FUT8: variants seen among roughly 807,000 people sequenced by gnomAD.
FUT8 encodes alpha-(1,6)-fucosyltransferase.
In FUT8, 29 loss-of-function variants were observed where a neutral mutation model predicts 71.3. The observed-to-expected ratio is 0.41, with a 90% CI of 0.30 to 0.55. The LOEUF is 0.55. FUT8 is among the 20% of genes least tolerant of loss of function. The probability of loss-of-function intolerance (pLI) is 0.34; values close to 1 mark genes in which losing one functional copy is unlikely to be tolerated. For synonymous variants in FUT8, 254 were observed against 239.3 expected, an observed-to-expected ratio of 1.06 and a Z score of -0.57; for missense variants, 544 against 702.1, an observed-to-expected ratio of 0.77 and a Z score of 2.55.
At chr14:65,666,315 T>C (rs535913720) in intron 6 of FUT8, among the ~76,000 whole-genome samples, 2 of 152,180 alleles carry the variant, frequency 1.3e-5, no homozygotes, top group African/African-American at 4.8e-5. Flanking sequence ...TGATTTTTGG[T>C]ACTTGTCACC....
At chr14:65,496,577 CCTT>C (rs2139747435) in intron 2 of FUT8, among the ~76,000 whole-genome samples, 1 of 152,220 alleles carries the variant, frequency 6.6e-6, no homozygotes, top group African/African-American at 2.4e-5. Flanking sequence ...GACAGTTCCT[CCTT>C]CACCCACTCG....
At position 65,638,210 on chromosome 14, in the gene FUT8, C is replaced by G. The variant is rs1890660085; in HGVS notation, c.597+8604C>G. On this transcript the variant is annotated intron_variant, in intron 6 of 10. Transcript: ENST00000673929. The surrounding 1 kb of genome is among the most constrained non-coding windows in gnomAD (Gnocchi z 4.5). ...TTCTCCCAAGACCCTCCGTCTCTAT[C>G]TGCCTAACCAGCCCCTAACTGCCTC... Among the ~76,000 whole-genome samples, 1 of 152,164 alleles carries G rather than the reference C, an allele frequency of 6.6e-6. No homozygotes were observed. The highest frequency in any genetic ancestry group is 1.5e-5 in the Non-Finnish European group (1 of 68,030).
Position 65,578,249 on chromosome 14 carries a change from A to G in FUT8, c.203+16483A>G, listed in dbSNP as rs368110335. Among the ~76,000 whole-genome samples the G allele has an allele frequency of 6.1e-4, 93 of 152,242 alleles. 4 individuals are homozygous for G. The South Asian group carries it at 0.019, about 31-fold the overall frequency. On this transcript the variant is annotated intron_variant, in intron 3 of 10. Transcript: ENST00000673929. ...TGATGATGACTTCAATAACTTCTTGATAATTGAAGATAAATAATAGCAGGA... is the reference window on the plus strand; with the variant it reads ...TGATGATGACTTCAATAACTTCTTGGTAATTGAAGATAAATAATAGCAGGA...
intron 7 of FUT8, among the ~76,000 whole-genome samples, chr14:65,686,772 G>C (rs1893306882): frequency 6.6e-6 from 1 of 152,154 alleles, no homozygotes; most frequent in South Asian, 2.1e-4. Context: ...GAGAACTTAA[G>C]AGAAGCTGTA....
intron 2 of FUT8, among the ~76,000 whole-genome samples, chr14:65,481,190 A>G (rs2066325521): frequency 6.6e-6 from 1 of 151,880 alleles, no homozygotes; most frequent in Non-Finnish European, 1.5e-5. Flanking sequence ...TTTGATTTGC[A>G]TTTTTGAAAT....
intron 7 of FUT8, among the ~76,000 whole-genome samples, chr14:65,672,908 C>T (rs943264084): frequency 6.6e-6 from 1 of 152,192 alleles, no homozygotes; most frequent in East Asian, 1.9e-4. Context: ...TTCAGTTCCC[C>T]ACTTCAATCT....
chr14:65,528,854 A>G (rs1883721413), intron 2 of FUT8: 1 of 152,336 alleles, frequency 6.6e-6, no homozygotes, highest in Admixed American at 6.5e-5. Flanking sequence ...GATCTTTATC[A>G]TCATCTTGAG....
chr14:65,699,545 C>G lies in FUT8; in HGVS notation c.836-22230C>G, dbSNP rs117761586. On this transcript the variant is annotated intron_variant, in intron 7 of 10. Coordinates refer to ENST00000673929, the MANE Select transcript of FUT8 (RefSeq NM_001371533.1). Reference sequence around the variant, plus strand: ...AAAATCTTGTAGACTGATGCTGATACCTACAAGGTGGGCTGTGAGCAAGAG... The same window carrying G: ...AAAATCTTGTAGACTGATGCTGATAGCTACAAGGTGGGCTGTGAGCAAGAG... 4.0e-3 allele frequency among the ~76,000 whole-genome samples: 604 copies of G among 152,178 alleles called. 4 individuals carry two copies. Among genetic ancestry groups the G allele is most frequent in the East Asian group, 0.035 (182 of 5,182 alleles).
intron 7 of FUT8, among the ~76,000 whole-genome samples, chr14:65,692,093 G>T (rs1168702942): frequency 1.3e-5 from 2 of 151,900 alleles, no homozygotes; most frequent in Non-Finnish European, 2.9e-5. Context: ...TGTCATCATG[G>T]CCCGTTCTCA....
chr14:65,593,846 G>A (rs1887821621), intron 3 of FUT8, among the ~76,000 whole-genome samples: 1 of 152,190 alleles, frequency 6.6e-6, no homozygotes, highest in South Asian at 2.1e-4. Flanking sequence ...AAAGTGCTGG[G>A]ATTACAGGCA....
At chr14:65,576,073 C>T (rs891711765) in intron 3 of FUT8, among the ~76,000 whole-genome samples, 2 of 152,098 alleles carry the variant, frequency 1.3e-5, no homozygotes, top group African/African-American at 4.8e-5. Flanking sequence ...ACTACAAATC[C>T]TTATAATAGC....
intron 6 of FUT8, chr14:65,636,502 G>A (rs1890565240): frequency 6.6e-6 from 1 of 151,980 alleles, no homozygotes; most frequent in South Asian, 2.1e-4. Context: ...TTTCCTCTTA[G>A]CACCACCTTT....
At chr14:65,437,722 A>G (rs1398987559) in intron 1 of FUT8, among the ~76,000 whole-genome samples, 10 of 152,186 alleles carry the variant, frequency 6.6e-5, no homozygotes, top group Non-Finnish European at 1.3e-4. Context: ...GTTATTACCC[A>G]TAGTGATTAC....
chr14:65,720,349 T>C (rs4902412), intron 7 of FUT8, among the ~76,000 whole-genome samples: 70,860 of 151,040 alleles, frequency 0.47, 17,644 homozygotes, highest in Non-Finnish European at 0.56. Flanking sequence ...GCCTGGGACT[T>C]GCCCTTCAGG....
intron 2 of FUT8, among the ~76,000 whole-genome samples, chr14:65,464,259 G>GTTTTTTTTTTTTTTTTTTTT: frequency 8.6e-6 from 1 of 116,560 alleles, no homozygotes; most frequent in Non-Finnish European, 1.7e-5. Flanking sequence ...AGTACTTTGG[G>GTTTTTTTTTTTTTTTTTTTT]TTTTTTTTTT....
At chr14:65,740,717 C>T (rs1305406055) in intron 10 of FUT8, among the ~76,000 whole-genome samples, 2 of 151,900 alleles carry the variant, frequency 1.3e-5, no homozygotes, top group Non-Finnish European at 2.9e-5. Context: ...CTCACGAGAA[C>T]TCACTACTGT....
chr14:65,522,819 G>T (rs984848379), intron 2 of FUT8, among the ~76,000 whole-genome samples: 14 of 149,874 alleles, frequency 9.3e-5, no homozygotes, highest in Non-Finnish European at 1.9e-4. Context: ...GAGAACATGT[G>T]GTATTTGGTT....
chr14:65,675,938 A>G (rs558354080), intron 7 of FUT8, among the ~76,000 whole-genome samples: 1 of 152,248 alleles, frequency 6.6e-6, no homozygotes, highest in South Asian at 2.1e-4. Flanking sequence ...CGGAGCTTGC[A>G]GTGAGCCGAG....
chr14:65,382,085 G>T, the FUT8 span, among the ~76,000 whole-genome samples: 1 of 152,234 alleles, frequency 6.6e-6, no homozygotes, highest in South Asian at 2.1e-4. Flanking sequence ...TCACCTCTCC[G>T]TGGCATGTGA....
Sources: allele counts gnomAD v4.1 joint callset (sites outside exome capture counted in the v4.1 genomes callset), GRCh38; gene constraint gnomAD v4.1.1; non-coding constraint Gnocchi (gnomAD v3.1); transcripts MANE v1.5; gene names NCBI Gene and HGNC (gene_info 2026-07-23, HGNC 2026-07-21).